RBFOX1: variants seen among roughly 807,000 people sequenced by gnomAD.
The protein encoded by RBFOX1 is RNA binding protein fox-1 homolog 1.
A neutral mutation model predicts 57.7 loss-of-function variants in RBFOX1; 8 were observed. The ratio of observed to expected loss-of-function variants is 0.14; its 90% confidence interval spans 0.08 to 0.25. RBFOX1 has a LOEUF of 0.25. RBFOX1 is among the 10% of genes least tolerant of loss of function. The pLI, the probability that RBFOX1 is intolerant of heterozygous loss-of-function variation, is 1.00. For synonymous variants in RBFOX1, 326 were observed against 222.4 expected, an observed-to-expected ratio of 1.47 and a Z score of -4.15; for missense variants, 611 against 548.5, an observed-to-expected ratio of 1.11 and a Z score of -1.14.
intron 4 of RBFOX1, among the ~76,000 whole-genome samples, chr16:5,913,285 C>G (rs111741671): frequency 6.6e-6 from 1 of 152,122 alleles, no homozygotes; most frequent in African/African-American, 2.4e-5. Flanking sequence ...TGGGTTGTTT[C>G]GACCCACGCA....
At chr16:7,494,997 T>A (rs923696104) in intron 4 of RBFOX1, among the ~76,000 whole-genome samples, 3 of 152,124 alleles carry the variant, frequency 2.0e-5, no homozygotes, top group Admixed American at 6.5e-5. Context: ...TAGTCCCCCG[T>A]GTCTGTTGTT....
chr16:6,818,672 A>G (rs922325937), intron 3 of RBFOX1, among the ~76,000 whole-genome samples: 1 of 152,140 alleles, frequency 6.6e-6, no homozygotes, highest in African/African-American at 2.4e-5. Context: ...TTCTTCTGGT[A>G]AAGCCCCTTA....
intron 3 of RBFOX1, among the ~76,000 whole-genome samples, chr16:6,810,511 C>G (rs533818875): frequency 7.8e-4 from 118 of 152,174 alleles, no homozygotes; most frequent in African/African-American, 2.7e-3. Flanking sequence ...TGTGAATGTC[C>G]CCATATGCCC....
intron 3 of RBFOX1, among the ~76,000 whole-genome samples, chr16:6,928,039 A>G (rs2075919030): frequency 6.6e-6 from 1 of 152,022 alleles, no homozygotes; most frequent in African/African-American, 2.4e-5. Context: ...CTAGATTTAT[A>G]ATTTCCCCAA....
chr16:7,510,853 C>T (rs1210042748), intron 4 of RBFOX1, among the ~76,000 whole-genome samples: 2 of 152,108 alleles, frequency 1.3e-5, no homozygotes, highest in Non-Finnish European at 2.9e-5. Context: ...CTTTCCTGGG[C>T]TGTGTGGGCA....
At chr16:7,155,712 A>AAAT (rs1195367029) in intron 4 of RBFOX1, among the ~76,000 whole-genome samples, 1 of 77,420 alleles carries the variant, frequency 1.3e-5, no homozygotes, top group African/African-American at 6.7e-5. Flanking sequence ...AAAAAAAAAA[A>AAAT]ATATATATAT....
rs140059738 is a variant in RBFOX1, at chr16:7,489,386, G to C, written c.28-28761G>C. Among the ~76,000 whole-genome samples, 3 of 152,208 alleles carry C rather than the reference G, an allele frequency of 2.0e-5. No homozygotes were observed. The East Asian group carries it at 5.8e-4, about 29-fold the overall frequency. On this transcript the variant is annotated intron_variant, in intron 4 of 15. Transcript: ENST00000550418. ...ATATTAATCTCTTAATATGTGCCAG[G>C]TCCTAATGCCAAGTACTTTATGTAT...
intron 3 of RBFOX1, among the ~76,000 whole-genome samples, chr16:6,928,955 C>G (rs1349139166): frequency 6.6e-6 from 1 of 152,094 alleles, no homozygotes; most frequent in Admixed American, 6.6e-5. Flanking sequence ...GATGTCATCT[C>G]ATGTCATTGG....
intron 4 of RBFOX1, among the ~76,000 whole-genome samples, chr16:7,392,379 T>G (rs1355920680): frequency 6.6e-6 from 1 of 152,074 alleles, no homozygotes; most frequent in African/African-American, 2.4e-5. Flanking sequence ...CACTCAGGAG[T>G]AATAGCTACT....
At chr16:7,171,699 A>G (rs79841222) in intron 4 of RBFOX1, among the ~76,000 whole-genome samples, 42 of 152,328 alleles carry the variant, frequency 2.8e-4, no homozygotes, top group African/African-American at 7.5e-4. Context: ...AGGGTAAGCA[A>G]TGAGCTTGTG....
chr16:7,299,412 A>G (rs974334101), intron 4 of RBFOX1, among the ~76,000 whole-genome samples: 1 of 152,140 alleles, frequency 6.6e-6, no homozygotes, highest in Non-Finnish European at 1.5e-5. Context: ...TCCTGGACTC[A>G]CTGACAACCC....
intron 4 of RBFOX1, among the ~76,000 whole-genome samples, chr16:7,269,317 A>C (rs1029047596): frequency 2.6e-5 from 4 of 152,170 alleles, no homozygotes; most frequent in Non-Finnish European, 2.9e-5. Flanking sequence ...GAAAAGCAAC[A>C]TATGATCATT....
rs192451234 is a variant in RBFOX1, at chr16:5,289,972, A to C, written c.219+49867A>C. Among the ~76,000 whole-genome samples, 468 of 152,348 alleles carry C rather than the reference A, an allele frequency of 3.1e-3. 5 individuals are homozygous for C. Among genetic ancestry groups the C allele is most frequent in the Non-Finnish European group, 2.2e-3 (150 of 68,034 alleles). ...ATAGTGCCAAAGTGAAAACAACACAAATGCTTGTCTACTGATGAGTGGAGA... is the reference window on the plus strand; with the variant it reads ...ATAGTGCCAAAGTGAAAACAACACACATGCTTGTCTACTGATGAGTGGAGA... On this transcript the variant is annotated intron_variant, in intron 1 of 2. Transcript: ENST00000585867.
At chr16:7,227,557 C>T (rs922080206) in intron 4 of RBFOX1, among the ~76,000 whole-genome samples, 17 of 152,172 alleles carry the variant, frequency 1.1e-4, no homozygotes, top group Non-Finnish European at 2.4e-4. Context: ...GGGCAGCTTT[C>T]GGAGTCCGAA....
intron 1 of RBFOX1, among the ~76,000 whole-genome samples, chr16:6,245,092 A>G (rs1302907486): frequency 2.6e-5 from 4 of 152,132 alleles, no homozygotes; most frequent in Non-Finnish European, 5.9e-5. Context: ...CTTCCCTGGG[A>G]TGCAGAACAT....
At chr16:7,176,460 G>A (rs1040784747) in intron 4 of RBFOX1, among the ~76,000 whole-genome samples, 1 of 151,846 alleles carries the variant, frequency 6.6e-6, no homozygotes, top group Non-Finnish European at 1.5e-5. Context: ...ATGTGTACGA[G>A]GTATCTATTA....
At chr16:7,222,559 A>G (rs1882587) in intron 4 of RBFOX1, among the ~76,000 whole-genome samples, 114,293 of 152,114 alleles carry the variant, frequency 0.75, 43,807 homozygotes, top group East Asian at 0.96. Context: ...CAACAATTGG[A>G]TATGTGTCTG....
chr16:5,315,882 C>G (rs934750831), intron 1 of RBFOX1, among the ~76,000 whole-genome samples: 7 of 152,104 alleles, frequency 4.6e-5, no homozygotes, highest in Non-Finnish European at 1.0e-4. Flanking sequence ...GCCAGAGTAT[C>G]AGACTCATCA....
intron 3 of RBFOX1, among the ~76,000 whole-genome samples, chr16:6,809,019 A>G (rs945659544): frequency 6.6e-6 from 1 of 152,186 alleles, no homozygotes; most frequent in Non-Finnish European, 1.5e-5. Context: ...CTGACTTAGG[A>G]GTATGCACCT....
Sources: gnomAD v4.1 joint callset for allele counts (sites outside exome capture counted in the v4.1 genomes callset) on GRCh38, gnomAD v4.1.1 for gene constraint, MANE v1.5 for transcripts, NCBI Gene and HGNC (gene_info 2026-07-23, HGNC 2026-07-21) for gene names.